KCNQ1: variants seen among roughly 807,000 people sequenced by gnomAD.
KCNQ1 encodes the protein potassium voltage-gated channel subfamily Q member 1.
KCNQ1 carries 49 observed loss-of-function variants against 72.4 expected under a neutral mutation model. The ratio of observed to expected loss-of-function variants is 0.68; its 90% CI spans 0.54 to 0.86. The LOEUF (loss-of-function observed/expected upper bound fraction) is 0.86, where lower values mean the gene tolerates loss of function less well. KCNQ1 is among the 40% of genes least tolerant of loss of function. KCNQ1 has a pLI of 0.00. For missense variants in KCNQ1, 790 were observed against 945.1 expected, an observed-to-expected ratio of 0.84 and a Z score of 2.15; for synonymous variants, 450 against 412.6, an observed-to-expected ratio of 1.09 and a Z score of -1.10.
At chr11:2,490,068 A>C (rs1846809240) in intron 1 of KCNQ1, among the ~76,000 whole-genome samples, 1 of 152,184 alleles carries the variant, frequency 6.6e-6, no homozygotes, top group African/African-American at 2.4e-5. Flanking sequence ...CACAGCCTAG[A>C]AGCCTTCACC....
chr11:2,588,672 G>C lies in KCNQ1; in HGVS notation c.1252-41G>C. Reference sequence around the variant, plus strand: ...GGGGCCGGCGTAGGGCCTGGCAGACGATGTCCAGGAACCGCTAATCTGTTG... The same window carrying C: ...GGGGCCGGCGTAGGGCCTGGCAGACCATGTCCAGGAACCGCTAATCTGTTG... On this transcript the variant is annotated intron_variant, in intron 9 of 15. Transcript: ENST00000155840. The surrounding 1 kb of genome is among the most constrained non-coding windows in gnomAD (Gnocchi z 5.6). The C allele has an allele frequency of 6.2e-7, 1 of 1,611,198 alleles. No individual in the cohort carries two copies. The highest frequency in any genetic ancestry group is 1.1e-5 in the South Asian group (1 of 90,974).
Position 2,494,589 on chromosome 11 carries a change from C to T in KCNQ1, c.387-33339C>T, listed in dbSNP as rs1408149109. Among the ~76,000 whole-genome samples the T allele has an allele frequency of 6.6e-6, 1 of 152,178 alleles. No individual in the cohort carries two copies. The highest frequency in any genetic ancestry group is 6.5e-5 in the Admixed American group (1 of 15,274). ...TGAATTTTGTCAAAGGCTTTTTCTGCATCTATTGAGATAATCATGTGGTTT... is the reference window on the plus strand; with the variant it reads ...TGAATTTTGTCAAAGGCTTTTTCTGTATCTATTGAGATAATCATGTGGTTT... On this transcript the variant is annotated intron_variant, in intron 1 of 15. Coordinates refer to ENST00000155840, the MANE Select transcript of KCNQ1 (RefSeq NM_000218.3). The surrounding 1 kb of genome is among the most constrained non-coding windows in gnomAD (Gnocchi z 4.6).
chr11:2,610,808 G>A (rs927142187), intron 10 of KCNQ1: 13 of 291,314 alleles, frequency 4.5e-5, no homozygotes, highest in Non-Finnish European at 7.1e-5. Flanking sequence ...CTGACGAAAA[G>A]TCAGCTCCAC....
chr11:2,513,183 G>A (rs1339676865), intron 1 of KCNQ1, among the ~76,000 whole-genome samples: 1 of 152,106 alleles, frequency 6.6e-6, no homozygotes, highest in African/African-American at 2.4e-5. Context: ...CCCACCCTCC[G>A]ACCAGGACCT....
rs1849941280 is a variant in KCNQ1 at position 2,660,826 on chromosome 11, C to G, written c.1394-1135C>G. 4 of 398,620 alleles carry G rather than the reference C, an allele frequency of 1.0e-5. No individual in the cohort carries two copies. The South Asian group carries it at 5.1e-4, about 51-fold the overall frequency. The allele number at this position is 398,620 out of a possible 1,614,324, so 24.7% of individuals were successfully genotyped here. On this transcript the variant is annotated intron_variant, in intron 10 of 15. Transcript: ENST00000155840. ...ACATTTATTAAAATTACTAAGGACA[C>G]ACCCTCTCACCCTGCTCCAGTATGT...
intron 1 of KCNQ1, among the ~76,000 whole-genome samples, chr11:2,520,317 C>T (rs968032050): frequency 6.6e-6 from 1 of 152,236 alleles, no homozygotes; most frequent in African/African-American, 2.4e-5. Flanking sequence ...GGGTTCAGAG[C>T]GGGGAACCTG....
At chr11:2,742,726 T>A (rs1481077453) in intron 11 of KCNQ1, among the ~76,000 whole-genome samples, 1 of 152,178 alleles carries the variant, frequency 6.6e-6, no homozygotes, top group African/African-American at 2.4e-5. Context: ...CCCCTCCCCA[T>A]GTGCTGAATT....
At chr11:2,523,804 G>T (rs1318275337) in intron 1 of KCNQ1, among the ~76,000 whole-genome samples, 1 of 140,292 alleles carries the variant, frequency 7.1e-6, no homozygotes, top group Non-Finnish European at 1.5e-5. Context: ...GGGCCTGGAG[G>T]CTGCAGGGTC....
intron 13 of KCNQ1, 80 bp downstream of exon 13, chr11:2,776,134 G>C: frequency 8.2e-7 from 1 of 1,225,974 alleles, no homozygotes; most frequent in South Asian, 1.4e-5. Context: ...AGCGGTGCCG[G>C]AGGAGGGAGG....
Position 2,752,168 on chromosome 11 carries a change from G to GTTGAC in KCNQ1, c.1515-16671_1515-16667dup, listed in dbSNP as rs1590068515. Among the ~76,000 whole-genome samples the GTTGAC allele has an allele frequency of 1.3e-5, 2 of 152,320 alleles. No homozygotes were observed. The highest frequency in any genetic ancestry group is 3.9e-4 in the East Asian group (2 of 5,178). On this transcript the variant is annotated intron_variant, in intron 11 of 15. Coordinates refer to ENST00000155840, the MANE Select transcript of KCNQ1 (RefSeq NM_000218.3). The surrounding 1 kb of genome is among the most constrained non-coding windows in gnomAD (Gnocchi z 5.2). ...GTTGACTTGAGTTGCATCGTGTTGT[G>GTTGAC]TTGACTTGAGCTGAACTGTGCTGAG...
In KCNQ1 at chr11:2,642,941, T is replaced by G. The variant is rs2133831990; in HGVS notation, c.1394-19020T>G. On this transcript the variant is annotated intron_variant, in intron 10 of 15. Transcript: ENST00000155840. This position sits in a 1 kb window ranked among gnomAD's most constrained non-coding sequence, Gnocchi z 4.3. ...GACCCATTGGTCATTCAGGAACATG[T>G]TAATTTCCATTTATTTATACAGTTT... The G allele has an allele frequency of 2.5e-6, 1 of 398,012 alleles. No homozygotes were observed. Among genetic ancestry groups the G allele is most frequent in the South Asian group, 1.3e-4 (1 of 7,860 alleles). 24.7% of individuals were successfully genotyped at this position (398,012 alleles called of 1,614,324 possible).
Position 2,711,567 on chromosome 11 carries a change from G to T in KCNQ1, c.1514+49486G>T, listed in dbSNP as rs1449431999. Among the ~76,000 whole-genome samples the T allele has an allele frequency of 2.6e-5, 4 of 152,056 alleles. No individual in the cohort carries two copies. The highest frequency in any genetic ancestry group is 2.6e-4 in the Admixed American group (4 of 15,270). On this transcript the variant is annotated intron_variant, in intron 11 of 15. Transcript: ENST00000155840. This position sits in a 1 kb window ranked among gnomAD's most constrained non-coding sequence, Gnocchi z 5.4. ...CAGAACGGGGCTCTCGGAGGCCAGG[G>T]TGACTCCACTATCCCACCAACCTCT...
chr11:2,694,255 G>A, intron 11 of KCNQ1: 2 of 398,686 alleles, frequency 5.0e-6, no homozygotes, highest in Non-Finnish European at 4.4e-6. Flanking sequence ...AGGGCCTGCT[G>A]CCTTTAAAGA....
chr11:2,585,435 T>G (rs1179830821), intron 8 of KCNQ1, 128 bp downstream of exon 8: 10 of 855,702 alleles, frequency 1.2e-5, no homozygotes, highest in Non-Finnish European at 1.9e-5. Flanking sequence ...TGGGGCATAC[T>G]CTGCTTGTGG....
In KCNQ1 at chr11:2,566,370, C is replaced by T. The variant is rs1488838503; in HGVS notation, c.478-4258C>T. Among the ~76,000 whole-genome samples, 1 of 152,230 alleles carries T rather than the reference C, an allele frequency of 6.6e-6. No individual in the cohort carries two copies. Among genetic ancestry groups the T allele is most frequent in the Non-Finnish European group, 1.5e-5 (1 of 68,042 alleles). ...GTGTCCTCTCCCACACCCGAGGACA[C>T]CTGTACCTTGTCCCGGGGCGGGGCT... On this transcript the variant is annotated intron_variant, in intron 2 of 15. Transcript: ENST00000155840. This position sits in a 1 kb window ranked among gnomAD's most constrained non-coding sequence, Gnocchi z 6.7.
At chr11:2,474,424 C>T (rs1050968070) in intron 1 of KCNQ1, among the ~76,000 whole-genome samples, 1 of 152,178 alleles carries the variant, frequency 6.6e-6, no homozygotes, top group East Asian at 1.9e-4. Flanking sequence ...TGGGAAGCCT[C>T]CTGGGTCTGC....
At chr11:2,638,599 C>G (rs1008385204) in intron 10 of KCNQ1, 1 of 152,166 alleles carries the variant, frequency 6.6e-6, no homozygotes, top group East Asian at 1.9e-4. Flanking sequence ...TCTCTGGCTG[C>G]CCTTAACATT....
At chr11:2,573,266 G>A (rs1011790202) in intron 6 of KCNQ1, among the ~76,000 whole-genome samples, 4 of 152,176 alleles carry the variant, frequency 2.6e-5, no homozygotes, top group Admixed American at 1.3e-4. Context: ...AGCGTGTGTT[G>A]GGGGCTTAGC....
chr11:2,675,297 G>A (rs1850273810), intron 11 of KCNQ1: 1 of 398,378 alleles, frequency 2.5e-6, no homozygotes, highest in African/African-American at 2.1e-5. Flanking sequence ...CAGAGTTTTG[G>A]CAATATAAAA....
Sources: gnomAD v4.1 joint callset for allele counts (sites outside exome capture counted in the v4.1 genomes callset) on GRCh38, gnomAD v4.1.1 for gene constraint, Gnocchi (gnomAD v3.1) non-coding constraint, MANE v1.5 for transcripts, NCBI Gene and HGNC (gene_info 2026-07-23, HGNC 2026-07-21) for gene names.